The following KRT6C variants were observed in gnomAD, a reference collection of about 807,000 sequenced individuals.
KRT6C encodes keratin, type II cytoskeletal 6C.
Under a neutral mutation model 49.4 loss-of-function variants are expected in KRT6C, and 46 were observed. That is an observed-to-expected ratio of 0.93 (90% CI 0.74 to 1.19). The LOEUF (loss-of-function observed/expected upper bound fraction) is 1.19. KRT6C is among the 50% of genes most tolerant of loss of function. The probability of loss-of-function intolerance (pLI) is 0.00; values close to 1 mark genes in which losing one functional copy is unlikely to be tolerated. For missense variants in KRT6C, 552 were observed against 737.5 expected (o/e 0.75, Z 2.91); for synonymous variants, 236 against 297.1 (o/e 0.79, Z 2.12).
At chr12:52,470,268 G>T in intron 6 of KRT6C, 1 of 649,364 alleles carries the variant, frequency 1.5e-6, no homozygotes, top group South Asian at 1.9e-5. Flanking sequence ...CCATCTGTAG[G>T]GGAGGTGGTA....
intron 5 of KRT6C, 36 bp downstream of exon 5, chr12:52,471,096 C>A (rs1937870122): frequency 3.1e-6 from 5 of 1,614,080 alleles, no homozygotes; most frequent in East Asian, 2.2e-5. Flanking sequence ...AGGATGGACA[C>A]AAGGATTCCT....
intron 6 of KRT6C, chr12:52,470,170 C>G: frequency 1.7e-6 from 1 of 601,944 alleles, no homozygotes; most frequent in Non-Finnish European, 2.9e-6. Flanking sequence ...GATGAATGCT[C>G]GGTTTGTACT....
rs1937810833 is a variant in KRT6C, at chr12:52,468,533, T to C, written c.*529A>G. 6.2e-6 allele frequency: 1 copy of C among 161,806 alleles called. No homozygotes were observed. Among genetic ancestry groups the C allele is most frequent in the Non-Finnish European group, 1.4e-5 (1 of 72,982 alleles). 10.0% of individuals were successfully genotyped at this position (161,806 alleles called of 1,614,324 possible). On this transcript the variant is annotated 3_prime_UTR_variant, in exon 9 of 9. Transcript: ENST00000252250. ...ACCATGCATTATTCTAAAACCTGCT[T>C]TATTTAGAAATTACAAAGAGCAAAG...
Position 52,471,338 on chromosome 12 carries a change from T to G in KRT6C, c.913-42A>C, listed in dbSNP as rs748589211. On this transcript the variant is annotated intron_variant, in intron 4 of 8. Coordinates refer to ENST00000252250, the MANE Select transcript of KRT6C (RefSeq NM_173086.5). ...CATAAGATCAACTTCACATCTGACA[T>G]TTACAGAGATACCCAACCCTATACA... The G allele has an allele frequency of 1.5e-5, 24 of 1,614,162 alleles. No homozygotes were observed. In the South Asian group the frequency reaches 2.6e-4, roughly 18 times the overall value.
In KRT6C at chr12:52,468,891, G is replaced by C. The variant is rs1937819512; in HGVS notation, c.*171C>G. ...TCTGATGGTGAGCAATGGGTGCTCAGATGGGGCAGGTATAGACAGAGAGAA... is the reference window on the plus strand; with the variant it reads ...TCTGATGGTGAGCAATGGGTGCTCACATGGGGCAGGTATAGACAGAGAGAA... On this transcript the variant is annotated 3_prime_UTR_variant, in exon 9 of 9. Transcript: ENST00000252250. 4.0e-6 allele frequency: 3 copies of C among 748,524 alleles called. No individual in the cohort carries two copies. The African/African-American group carries it at 5.3e-5, about 13-fold the overall frequency. The allele number at this position is 748,524 out of a possible 1,614,324, so 46.4% of individuals were successfully genotyped here. A position where few individuals can be genotyped will look rare whatever the true frequency, so the allele number is the denominator to read the frequency against.
At chr12:52,472,996 GGAGT>G (rs1368818535) in intron 1 of KRT6C, among the ~76,000 whole-genome samples, 198 bp downstream of exon 1, 8 of 150,722 alleles carry the variant, frequency 5.3e-5, no homozygotes, top group Non-Finnish European at 7.4e-5. Flanking sequence ...TCCCTAGGCA[GGAGT>G]GAGGGCCACT....
In KRT6C at chr12:52,469,893, A is replaced by G. The variant is rs1236405433; in HGVS notation, c.1204-3T>C. 3 of 1,614,014 alleles carry G rather than the reference A, an allele frequency of 1.9e-6. No individual in the cohort carries two copies. In the Admixed American group the frequency reaches 5.0e-5, roughly 27 times the overall value. ...ATGGCAGCCTGCAGGCTGGCACACT[A>G]GGAGGGGAAAGGAAGAGAAGGAACT... is the stretch of plus-strand genomic sequence containing the variant. On this transcript the variant is annotated splice_region_variant and splice_polypyrimidine_tract_variant and intron_variant, in intron 6 of 8. Transcript: ENST00000252250.
intron 1 of KRT6C, among the ~76,000 whole-genome samples, chr12:52,472,993 G>T (rs1438313134): frequency 6.6e-6 from 1 of 150,604 alleles, no homozygotes. Flanking sequence ...CTCTCCCTAG[G>T]CAGGAGTGAG....
Position 52,469,313 on chromosome 12 carries a change from G to A in KRT6C, c.1460-16C>T. 6.2e-7 allele frequency: 1 copy of A among 1,613,972 alleles called. No homozygotes were observed. The highest frequency in any genetic ancestry group is 8.5e-7 in the Non-Finnish European group (1 of 1,179,862). On this transcript the variant is annotated splice_polypyrimidine_tract_variant and intron_variant, in intron 8 of 8. Coordinates refer to ENST00000252250, the MANE Select transcript of KRT6C (RefSeq NM_173086.5). Reference sequence around the variant, plus strand: ...TGTACTACAGCTGTGGTGGGGAGGGGACAAGGACACAAGAAGCCACGGTGA... The same window carrying A: ...TGTACTACAGCTGTGGTGGGGAGGGAACAAGGACACAAGAAGCCACGGTGA...
In KRT6C at chr12:52,472,137, G is replaced by C; in HGVS notation, c.684C>G (p.Ile228Met). The C allele has an allele frequency of 3.9e-6, 6 of 1,547,362 alleles. No homozygotes were observed. Among genetic ancestry groups the C allele is most frequent in the Non-Finnish European group, 5.3e-6 (6 of 1,127,900 alleles). Residue 228 changes from isoleucine to methionine, a missense_variant, in exon 2 of 9, where the codon ATC (isoleucine) becomes ATG (methionine). Ile to Met is a conservative substitution (Grantham distance 10). Around this residue, in one of 3 missense-constraint regions of KRT6C, gnomAD observed 425 missense variants for 439.4 expected, o/e 0.97. Coordinates refer to ENST00000252250, the MANE Select transcript of KRT6C (RefSeq NM_173086.5). ...AGTCCAGGCGGCCCCGTTCCCCGAC[G>C]ATGCTGTCCAGCTGCCTCCTGAGGT... ...INNLRRQLDSIVGERGRLDSE... is the reference protein window; with the variant it reads ...INNLRRQLDSMVGERGRLDSE...
In KRT6C at chr12:52,473,753, G is replaced by C; in HGVS notation, c.-16C>G. On this transcript the variant is annotated 5_prime_UTR_variant, in exon 1 of 9. Coordinates refer to ENST00000252250, the MANE Select transcript of KRT6C (RefSeq NM_173086.5). Reference sequence around the variant, plus strand: ...TGCTGGCCATGGTTCCAGGAGATGAGAGGGCTGTGGCGAGCGTTGGAGGCT... The same window carrying C: ...TGCTGGCCATGGTTCCAGGAGATGACAGGGCTGTGGCGAGCGTTGGAGGCT... The C allele has an allele frequency of 6.2e-7, 1 of 1,614,146 alleles. No homozygotes were observed.
Position 52,470,637 on chromosome 12 carries a change from C to G in KRT6C, c.1078-7G>C. 1.2e-6 allele frequency: 2 copies of G among 1,613,902 alleles called. No homozygotes were observed. The highest frequency in any genetic ancestry group is 1.7e-6 in the Non-Finnish European group (2 of 1,179,970). On this transcript the variant is annotated splice_polypyrimidine_tract_variant and splice_region_variant and intron_variant, in intron 5 of 8. Transcript: ENST00000252250. ...TGACCTGCAGCTCCTCGTACTGCAGCCCAGAGGTGGAGAGAGAGACAGTGT... is the reference window on the plus strand; with the variant it reads ...TGACCTGCAGCTCCTCGTACTGCAGGCCAGAGGTGGAGAGAGAGACAGTGT...
In KRT6C at chr12:52,471,654, C is replaced by A. The variant is rs767777967; in HGVS notation, c.816+18G>T. 22 of 1,610,768 alleles carry A rather than the reference C, an allele frequency of 1.4e-5. No individual in the cohort carries two copies. Among genetic ancestry groups the A allele is most frequent in the Non-Finnish European group, 1.8e-5 (21 of 1,178,726 alleles). ...TCTCCTTCTAAATGAATTTGAACCC[C>A]CGGCTTCATCTGCTCACCTTCTTCA... On this transcript the variant is annotated intron_variant, in intron 3 of 8. Coordinates refer to ENST00000252250, the MANE Select transcript of KRT6C (RefSeq NM_173086.5).
chr12:52,470,570 C>A lies in KRT6C; in HGVS notation c.1138G>T (p.Glu380Ter). 1 of 1,614,114 alleles carries A rather than the reference C, an allele frequency of 6.2e-7. No individual in the cohort carries two copies. Among genetic ancestry groups the A allele is most frequent in the South Asian group, 1.1e-5 (1 of 91,072 alleles). Residue 380 changes from glutamate to a stop codon, truncating the protein, a stop_gained, in exon 6 of 9, where the codon GAG (glutamate) becomes TAG (stop). Transcript: ENST00000252250. LOFTEE classifies it high-confidence loss of function. ...ATCATGCGGTTGATCTCAGCAATCT[C>A]CTGCTTGGTGTTGCGCAGGTCGTCC... The part of the protein sequence containing the change: ...HGDDLRNTKQ[E>*]IAEINRMIQR...
At chr12:52,469,975 A>T (rs904531370) in intron 6 of KRT6C, 85 bp from the exon 7 acceptor site, 2 of 1,464,068 alleles carry the variant, frequency 1.4e-6, no homozygotes, top group African/African-American at 2.8e-5. Flanking sequence ...GGGTCCTGTA[A>T]CCCAAAATTG....
intron 6 of KRT6C, 157 bp from the exon 7 acceptor site, chr12:52,470,047 T>C (rs1937846784): frequency 1.1e-6 from 1 of 906,120 alleles, no homozygotes; most frequent in East Asian, 2.6e-5. Flanking sequence ...ATTTGTCTAG[T>C]CTGGGAGTCA....
Position 52,471,408 on chromosome 12 carries a change from T to G in KRT6C, c.912+13A>C. 1 of 1,613,998 alleles carries G rather than the reference T, an allele frequency of 6.2e-7. No homozygotes were observed. The highest frequency in any genetic ancestry group is 1.1e-5 in the South Asian group (1 of 91,056). ...CCCATCAGAGTAAACAGAAGGATGGTGGAGATGCTTACTGCATCATACAAG... is the reference window on the plus strand; with the variant it reads ...CCCATCAGAGTAAACAGAAGGATGGGGGAGATGCTTACTGCATCATACAAG... On this transcript the variant is annotated intron_variant, in intron 4 of 8. Transcript: ENST00000252250.
intron 2 of KRT6C, among the ~76,000 whole-genome samples, 164 bp from the exon 3 acceptor site, chr12:52,471,896 T>C (rs1937892445): frequency 6.7e-6 from 1 of 150,250 alleles, no homozygotes; most frequent in South Asian, 2.1e-4. Flanking sequence ...TTGCCACTTC[T>C]TTAATCCCCC....
intron 6 of KRT6C, 63 bp from the exon 7 acceptor site, chr12:52,469,953 T>C: frequency 6.3e-7 from 1 of 1,589,368 alleles, no homozygotes; most frequent in South Asian, 1.1e-5. Flanking sequence ...CTGGCCCTTG[T>C]TTAGTGAACC....
Sources: gnomAD v4.1 joint callset for allele counts (sites outside exome capture counted in the v4.1 genomes callset) on GRCh38, gnomAD v4.1.1 for gene constraint, gnomAD v4.1.1 regional missense constraint, MANE v1.5 for transcripts, NCBI Gene and HGNC (gene_info 2026-07-23, HGNC 2026-07-21) for gene names.